The following SEMA5A variants were observed in gnomAD, a reference collection of about 807,000 sequenced individuals.
SEMA5A encodes the protein semaphorin-5A.
A neutral mutation model predicts 135.5 loss-of-function variants in SEMA5A; 55 were observed. That is an observed-to-expected ratio of 0.41 (90% CI 0.33 to 0.51). The LOEUF is 0.51. Ranked by LOEUF, SEMA5A falls within the 20% of genes least tolerant of loss-of-function variation. The pLI is 0.37. For missense variants in SEMA5A, 1,290 were observed against 1,419.9 expected (o/e 0.91, Z 1.47); for synonymous variants, 580 against 546.5 (o/e 1.06, Z -0.85).
chr5:9,353,295 A>G (rs1579397992), intron 3 of SEMA5A, among the ~76,000 whole-genome samples: 1 of 118,300 alleles, frequency 8.5e-6, no homozygotes. Context: ...GAGGGAAAGG[A>G]AGGGAAGGGA....
rs1049105236 is a variant in SEMA5A, at chr5:9,124,623, T to G, written c.1600-1786A>C. ...AGGCACCTGTGACCACACCAGCTAATTTTTATATTTTTAGTAGAGACAGGG... is the reference window on the plus strand; with the variant it reads ...AGGCACCTGTGACCACACCAGCTAAGTTTTATATTTTTAGTAGAGACAGGG... On this transcript the variant is annotated intron_variant, in intron 13 of 22. Coordinates refer to ENST00000382496, the MANE Select transcript of SEMA5A (RefSeq NM_003966.3). 3.3e-5 allele frequency among the ~76,000 whole-genome samples: 5 copies of G among 152,262 alleles called. 1 individual carries two copies. Among genetic ancestry groups the G allele is most frequent in the African/African-American group, 9.6e-5 (4 of 41,544 alleles).
chr5:9,474,591 G>C (rs1015691692), intron 1 of SEMA5A, among the ~76,000 whole-genome samples: 1 of 152,200 alleles, frequency 6.6e-6, no homozygotes, highest in African/African-American at 2.4e-5. Context: ...CACCCACCAC[G>C]TGCAAGGCAC....
intron 5 of SEMA5A, among the ~76,000 whole-genome samples, chr5:9,279,383 A>C (rs1486725285): frequency 2.0e-5 from 3 of 152,082 alleles, no homozygotes; most frequent in Non-Finnish European, 4.4e-5. Context: ...CTTGGTGTTG[A>C]TTTTACAGGA....
At chr5:9,273,120 C>A (rs1158421340) in intron 5 of SEMA5A, among the ~76,000 whole-genome samples, 1 of 150,446 alleles carries the variant, frequency 6.6e-6, no homozygotes, top group African/African-American at 2.4e-5. Flanking sequence ...GAAAAAAGTT[C>A]TTGAAAGTTA....
Position 9,357,429 on chromosome 5 carries a change from C to T in SEMA5A, c.125-19617G>A, listed in dbSNP as rs1031282769. On this transcript the variant is annotated intron_variant, in intron 3 of 22. Coordinates refer to ENST00000382496, the MANE Select transcript of SEMA5A (RefSeq NM_003966.3). ...GTCATTCTAGAAGGGCTATAATTAG[C>T]GAGAATTGTTTTCACAAACAACCGA... Among the ~76,000 whole-genome samples, 3 of 152,122 alleles carry T rather than the reference C, an allele frequency of 2.0e-5. No homozygotes were observed. The South Asian group carries it at 6.2e-4, about 32-fold the overall frequency.
chr5:9,055,581 G>A (rs1736845289), intron 18 of SEMA5A, among the ~76,000 whole-genome samples: 2 of 152,000 alleles, frequency 1.3e-5, no homozygotes, highest in Non-Finnish European at 2.9e-5. Flanking sequence ...ATTGGCAAAG[G>A]TAAAAAGAAA....
chr5:9,345,609 G>T (rs1004874559), intron 3 of SEMA5A, among the ~76,000 whole-genome samples: 2 of 150,650 alleles, frequency 1.3e-5, no homozygotes, highest in African/African-American at 4.9e-5. Flanking sequence ...TATTTTAAAT[G>T]ACCAAAATTA....
chr5:9,522,351 G>A (rs1400230647), intron 1 of SEMA5A, among the ~76,000 whole-genome samples: 1 of 152,178 alleles, frequency 6.6e-6, no homozygotes, highest in Non-Finnish European at 1.5e-5. Flanking sequence ...GGGAGGCTAA[G>A]ATGGGCAGAT....
At chr5:9,488,713 A>G (rs1012296066) in intron 1 of SEMA5A, among the ~76,000 whole-genome samples, 10 of 152,216 alleles carry the variant, frequency 6.6e-5, no homozygotes, top group African/African-American at 2.4e-4. Flanking sequence ...TACAACATTT[A>G]CTTGTTATAT....
At chr5:9,184,450 C>T (rs1744699872) in intron 11 of SEMA5A, among the ~76,000 whole-genome samples, 2 of 152,118 alleles carry the variant, frequency 1.3e-5, no homozygotes, top group Non-Finnish European at 2.9e-5. Flanking sequence ...GTTTTTAGCT[C>T]CACAGACAGG....
intron 1 of SEMA5A, chr5:9,517,592 A>C (rs1736599331): frequency 6.6e-6 from 1 of 152,182 alleles, no homozygotes; most frequent in Non-Finnish European, 1.5e-5. Flanking sequence ...CAAATAATTG[A>C]CTGAAATTAA....
intron 16 of SEMA5A, among the ~76,000 whole-genome samples, chr5:9,069,528 A>G (rs999783726): frequency 6.6e-6 from 1 of 152,180 alleles, no homozygotes; most frequent in Non-Finnish European, 1.5e-5. Context: ...ACCTAATACA[A>G]TCTTTATTTT....
intron 11 of SEMA5A, among the ~76,000 whole-genome samples, chr5:9,184,990 CA>C (rs1299066353): frequency 1.3e-5 from 2 of 152,150 alleles, no homozygotes; most frequent in Non-Finnish European, 1.5e-5. Context: ...TACAATGGTG[CA>C]ATCCTAGCTC....
intron 16 of SEMA5A, 75 bp from the exon 17 acceptor site, chr5:9,066,721 G>C (rs999481303): frequency 3.9e-5 from 52 of 1,330,758 alleles, no homozygotes; most frequent in Admixed American, 5.2e-5. Context: ...CTTTCCTTTA[G>C]GGAAAGATAA....
In SEMA5A at chr5:9,040,521, C is replaced by G. The variant is rs1735902868; in HGVS notation, c.*2376G>C. 6.6e-6 allele frequency: 1 copy of G among 152,184 alleles called. No homozygotes were observed. The highest frequency in any genetic ancestry group is 6.5e-5 in the Admixed American group (1 of 15,284). The allele number at this position is 152,184 out of a possible 1,614,324, so 9.4% of individuals were successfully genotyped here. ...ATACTTAGAATATATCTGAAATTATCTAAACACTTGCTATTCTGTCAAATA... is the reference window on the plus strand; with the variant it reads ...ATACTTAGAATATATCTGAAATTATGTAAACACTTGCTATTCTGTCAAATA... On this transcript the variant is annotated 3_prime_UTR_variant, in exon 23 of 23. Coordinates refer to ENST00000382496, the MANE Select transcript of SEMA5A (RefSeq NM_003966.3).
intron 1 of SEMA5A, among the ~76,000 whole-genome samples, chr5:9,532,093 C>G (rs1394864674): frequency 1.3e-5 from 2 of 152,202 alleles, no homozygotes; most frequent in African/African-American, 4.8e-5. Flanking sequence ...CACAATAATT[C>G]ACCAAATCCA....
intron 5 of SEMA5A, among the ~76,000 whole-genome samples, chr5:9,270,495 T>C (rs1579756757): frequency 6.6e-6 from 1 of 151,914 alleles, no homozygotes; most frequent in Non-Finnish European, 1.5e-5. Context: ...GCAAGTCCCA[T>C]AGGAAACAAT....
At chr5:9,227,551 A>AT (rs10691747) in intron 6 of SEMA5A, among the ~76,000 whole-genome samples, 11,312 of 140,950 alleles carry the variant, frequency 0.08, 1,404 homozygotes, top group African/African-American at 0.25. Flanking sequence ...ATCTATATGA[A>AT]TTTTTTTTTT....
intron 5 of SEMA5A, among the ~76,000 whole-genome samples, chr5:9,300,912 C>A (rs768605212): frequency 3.3e-5 from 5 of 152,250 alleles, no homozygotes; most frequent in Middle Eastern, 3.4e-3. Context: ...GGAGTGGAGC[C>A]CTGCTGATAT....
Sources: gnomAD v4.1 joint callset for allele counts (sites outside exome capture counted in the v4.1 genomes callset) on GRCh38, gnomAD v4.1.1 for gene constraint, MANE v1.5 for transcripts, NCBI Gene and HGNC (gene_info 2026-07-23, HGNC 2026-07-21) for gene names.